The following IL3RA variants were observed in gnomAD, a reference collection of about 807,000 sequenced individuals.
IL3RA encodes interleukin-3 receptor subunit alpha.
Under a neutral mutation model 52.3 loss-of-function variants are expected in IL3RA, and 73 were observed. That is an observed-to-expected ratio of 1.40 (90% confidence interval 1.16 to 1.70). The LOEUF is 1.70. Ranked by LOEUF, IL3RA falls within the 40% of genes most tolerant of loss-of-function variation. IL3RA has a pLI of 0.00. For synonymous variants in IL3RA, 260 were observed against 194.0 expected, an observed-to-expected ratio of 1.34 and a Z score of -2.83; for missense variants, 664 against 504.4, an observed-to-expected ratio of 1.32 and a Z score of -3.03.
chrX:1,340,000 C>G (rs1229349366), intron 1 of IL3RA, among the ~76,000 whole-genome samples: 1 of 151,928 alleles, frequency 6.6e-6, no homozygotes, highest in Non-Finnish European at 1.5e-5. Flanking sequence ...CCTTCCACTG[C>G]TTTGTCATCT....
intron 9 of IL3RA, among the ~76,000 whole-genome samples, chrX:1,367,220 G>C (rs1447215213): frequency 1.9e-5 from 1 of 53,446 alleles, no homozygotes; most frequent in East Asian, 4.8e-4. Flanking sequence ...TGAGCGGGGT[G>C]AGCCGGGTGC....
rs2085509181 is a variant in IL3RA, at chrX:1,341,842, G to GA, written c.64+19dup. 2 of 1,613,652 alleles carry GA rather than the reference G, an allele frequency of 1.2e-6. No individual in the cohort carries two copies. Among genetic ancestry groups the GA allele is most frequent in the Admixed American group, 1.7e-5 (1 of 59,968 alleles). ...CAAACGAAGGAAGGTAAGAACTGGA[G>GA]AAAAAATGCACGTGCCACCTGGGGA... On this transcript the variant is annotated intron_variant, in intron 2 of 11. Coordinates refer to ENST00000331035, the MANE Select transcript of IL3RA (RefSeq NM_002183.4).
rs1461024021 is a variant in IL3RA at position 1,360,949 on chromosome X, CTG to C, written c.759+2064_759+2065del. Among the ~76,000 whole-genome samples the C allele has an allele frequency of 4.9e-4, 45 of 90,912 alleles. 2 individuals are homozygous for C. Among genetic ancestry groups the C allele is most frequent in the Non-Finnish European group, 6.7e-4 (33 of 49,176 alleles). 59.6% of individuals were successfully genotyped at this position (90,912 alleles called of 152,430 possible). A position where few individuals can be genotyped will look rare whatever the true frequency, so the allele number is the denominator to read the frequency against. ...TCTCTGTCTCTCTCTCCCTTCCCCT[CTG>C]TCTCTCTCTCCCTTCCCCTCTCTGT... On this transcript the variant is annotated intron_variant, in intron 8 of 11. Transcript: ENST00000331035.
intron 3 of IL3RA, among the ~76,000 whole-genome samples, chrX:1,346,048 C>G (rs1179448941): frequency 1.3e-5 from 2 of 151,914 alleles, no homozygotes; most frequent in Non-Finnish European, 2.9e-5. Context: ...GGCGTGGTGG[C>G]TCACGTCTGT....
intron 4 of IL3RA, among the ~76,000 whole-genome samples, chrX:1,351,466 T>A (rs1159051450): frequency 6.6e-6 from 1 of 151,086 alleles, no homozygotes; most frequent in Non-Finnish European, 1.5e-5. Context: ...GTAGCTGGGA[T>A]TACAGCGGCC....
At chrX:1,353,631 C>T (rs866415009) in intron 6 of IL3RA, among the ~76,000 whole-genome samples, 27,652 of 51,570 alleles carry the variant, frequency 0.54, 11,140 homozygotes, top group African/African-American at 0.71. Flanking sequence ...TCATGGGACC[C>T]CCCCCATCAT....
At chrX:1,338,839 G>A (rs1265284075) in intron 1 of IL3RA, among the ~76,000 whole-genome samples, 135 of 151,872 alleles carry the variant, frequency 8.9e-4, no homozygotes, top group Non-Finnish European at 1.4e-3. Flanking sequence ...TCGCTCTGTC[G>A]CCCAGGCTGG....
chrX:1,363,466 A>C (rs1157273539), intron 8 of IL3RA, among the ~76,000 whole-genome samples: 1 of 151,506 alleles, frequency 6.6e-6, no homozygotes, highest in South Asian at 2.1e-4. Flanking sequence ...GGGCCCGGCT[A>C]ATTTTTTGTA....
chrX:1,382,634 G>A lies in IL3RA; in HGVS notation c.*169G>A, dbSNP rs1441904408. 3.0e-6 allele frequency: 2 copies of A among 656,594 alleles called. No individual in the cohort carries two copies. Among genetic ancestry groups the A allele is most frequent in the African/African-American group, 1.8e-5 (1 of 55,094 alleles). The allele number at this position is 656,594 out of a possible 1,614,324, so 40.7% of individuals were successfully genotyped here. On this transcript the variant is annotated 3_prime_UTR_variant, in exon 12 of 12. Transcript: ENST00000331035. Reference sequence around the variant, plus strand: ...TTTCGTCCGAAGCTGCCAGGAAGAAGAACAGAACTTTGTGTGTTTATTTCA... The same window carrying A: ...TTTCGTCCGAAGCTGCCAGGAAGAAAAACAGAACTTTGTGTGTTTATTTCA...
chrX:1,358,234 G>A lies in IL3RA; in HGVS notation c.733-627G>A, dbSNP rs186409863. Among the ~76,000 whole-genome samples, 1,050 of 152,184 alleles carry A rather than the reference G, an allele frequency of 6.9e-3. 14 individuals carry two copies. Among genetic ancestry groups the A allele is most frequent in the African/African-American group, 0.023 (962 of 41,512 alleles). ...TGATGTTGCACCCCCTACCTAGTTC[G>A]CTGGCCTGGCATAGGCTGTCTGTGG... On this transcript the variant is annotated intron_variant, in intron 7 of 11. Transcript: ENST00000331035.
chrX:1,356,060 TAG>T (rs1297432870), intron 6 of IL3RA, among the ~76,000 whole-genome samples, 159 bp from the exon 7 acceptor site: 1 of 151,764 alleles, frequency 6.6e-6, no homozygotes, highest in Non-Finnish European at 1.5e-5. Flanking sequence ...TCTCTGCCTG[TAG>T]AGTTTCTTTG....
intron 4 of IL3RA, among the ~76,000 whole-genome samples, chrX:1,350,620 G>A (rs1417886509): frequency 4.7e-5 from 7 of 148,004 alleles, no homozygotes; most frequent in Admixed American, 6.9e-5. Context: ...AGAAATTAGC[G>A]GCCGGGCCCA....
chrX:1,367,368 G>A (rs1216593712), intron 9 of IL3RA, among the ~76,000 whole-genome samples: 1 of 33,854 alleles, frequency 3.0e-5, no homozygotes, highest in Non-Finnish European at 4.7e-5. Flanking sequence ...CGGGGTGCGC[G>A]GGGTGAGCCG....
chrX:1,336,854 G>C lies in IL3RA; in HGVS notation c.-111G>C, dbSNP rs769635489. On this transcript the variant is annotated 5_prime_UTR_variant, in exon 1 of 12. Transcript: ENST00000331035. ...AGATATCAGAAACATCCTAGGATCAGGACACCCCAGATCTTCTCAACTGGA... is the reference window on the plus strand; with the variant it reads ...AGATATCAGAAACATCCTAGGATCACGACACCCCAGATCTTCTCAACTGGA... 6 of 152,326 alleles carry C rather than the reference G, an allele frequency of 3.9e-5. No individual in the cohort carries two copies. The highest frequency in any genetic ancestry group is 1.2e-4 in the African/African-American group (5 of 41,576). 9.4% of individuals were successfully genotyped at this position (152,326 alleles called of 1,614,324 possible).
intron 10 of IL3RA, 140 bp downstream of exon 10, chrX:1,378,904 A>G (rs1208611904): frequency 3.7e-6 from 3 of 804,566 alleles, no homozygotes; most frequent in Admixed American, 2.2e-5. Context: ...GTGCAGTGGC[A>G]CGATCTGGGC....
chrX:1,345,566 T>G lies in IL3RA; in HGVS notation c.183+132T>G, dbSNP rs1314104175. 5 of 505,586 alleles carry G rather than the reference T, an allele frequency of 9.9e-6. No homozygotes were observed. In the Admixed American group the frequency reaches 1.5e-4, roughly 16 times the overall value. 31.3% of individuals were successfully genotyped at this position (505,586 alleles called of 1,614,324 possible). ...CTGCGGTGACCCGATCTCCGCTCTC[T>G]GCAACCTCCACCTCCCAGGTCCATG... On this transcript the variant is annotated intron_variant, in intron 3 of 11. Coordinates refer to ENST00000331035, the MANE Select transcript of IL3RA (RefSeq NM_002183.4).
intron 9 of IL3RA, among the ~76,000 whole-genome samples, 191 bp from the exon 10 acceptor site, chrX:1,378,468 T>TCAGGTGGCCTG (rs765261722): frequency 0.042 from 6,429 of 152,190 alleles, 480 homozygotes; most frequent in African/African-American, 0.15. Flanking sequence ...GTCCTGGTAC[T>TCAGGTGGCCTG]CAGGTGGCCT....
intron 1 of IL3RA, among the ~76,000 whole-genome samples, chrX:1,337,304 T>C: frequency 6.6e-6 from 1 of 152,208 alleles, no homozygotes; most frequent in East Asian, 1.9e-4. Flanking sequence ...AAAGCGCTGG[T>C]TCAGTTAGTC....
rs1183829942 is a variant in IL3RA at position 1,357,557 on chromosome X, T to C, written c.732+1221T>C. Among the ~76,000 whole-genome samples the C allele has an allele frequency of 2.7e-5, 4 of 150,470 alleles. No homozygotes were observed. The East Asian group carries it at 8.0e-4, about 30-fold the overall frequency. Reference sequence around the variant, plus strand: ...TTTTGTATTTTTAGTAGAGATGGGGTTTCACCATCTTGTCCTGGCTGGTCT... The same window carrying C: ...TTTTGTATTTTTAGTAGAGATGGGGCTTCACCATCTTGTCCTGGCTGGTCT... On this transcript the variant is annotated intron_variant, in intron 7 of 11. Transcript: ENST00000331035.
Sources: allele counts gnomAD v4.1 joint callset (sites outside exome capture counted in the v4.1 genomes callset), GRCh38; gene constraint gnomAD v4.1.1; transcripts MANE v1.5; gene names NCBI Gene and HGNC (gene_info 2026-07-23, HGNC 2026-07-21).